Variants in PACSIN2 observed in about 807,000 individuals in gnomAD.
PACSIN2 encodes protein kinase C and casein kinase substrate in neurons protein 2.
PACSIN2 carries 25 observed loss-of-function variants against 63.8 expected under a neutral mutation model. The observed-to-expected ratio is 0.39, with a 90% confidence interval of 0.29 to 0.55. The LOEUF (loss-of-function observed/expected upper bound fraction) is 0.55. Ranked by LOEUF, PACSIN2 falls within the 20% of genes least tolerant of loss-of-function variation. PACSIN2 has a pLI of 0.62. For missense variants in PACSIN2, 518 were observed against 646.9 expected (o/e 0.80, Z 2.16); for synonymous variants, 255 against 256.2 (o/e 1.00, Z 0.05).
chr22:42,989,459 T>C (rs1008755070), intron 1 of PACSIN2, among the ~76,000 whole-genome samples: 4 of 145,626 alleles, frequency 2.7e-5, no homozygotes, highest in African/African-American at 7.8e-5. Flanking sequence ...GATCACACGA[T>C]TGCACTCCAG....
intron 1 of PACSIN2, among the ~76,000 whole-genome samples, chr22:42,922,307 A>G (rs1249430309): frequency 6.6e-6 from 1 of 152,240 alleles, no homozygotes; most frequent in African/African-American, 2.4e-5. Flanking sequence ...ATTCACAAGG[A>G]CATCCAGCTC....
intron 1 of PACSIN2, among the ~76,000 whole-genome samples, chr22:43,003,324 C>G (rs962610668): frequency 2.0e-5 from 3 of 151,996 alleles, no homozygotes; most frequent in Admixed American, 2.0e-4. Flanking sequence ...AAACAAATAT[C>G]GGCTGGGCGC....
intron 1 of PACSIN2, among the ~76,000 whole-genome samples, chr22:42,930,719 A>G (rs1932765218): frequency 6.6e-6 from 1 of 152,260 alleles, no homozygotes; most frequent in Non-Finnish European, 1.5e-5. Flanking sequence ...TTTAAGAATT[A>G]AAAAATGAAA....
intron 1 of PACSIN2, among the ~76,000 whole-genome samples, chr22:42,999,845 A>G (rs1923653627): frequency 6.6e-6 from 1 of 152,206 alleles, no homozygotes; most frequent in Non-Finnish European, 1.5e-5. Context: ...AGCTTCTCTG[A>G]GCCTATTTCC....
chr22:42,880,292 C>T (rs1928972809), intron 7 of PACSIN2, among the ~76,000 whole-genome samples: 1 of 152,222 alleles, frequency 6.6e-6, no homozygotes, highest in Admixed American at 6.5e-5. Context: ...CAGACTTGGG[C>T]CCGACCCCAA....
chr22:42,916,494 C>T (rs953301516), intron 1 of PACSIN2, among the ~76,000 whole-genome samples: 3 of 152,236 alleles, frequency 2.0e-5, no homozygotes, highest in Admixed American at 2.0e-4. Flanking sequence ...CTCTCTCCTG[C>T]CCCTGCTCCG....
At chr22:42,956,463 A>G (rs1933920960) in intron 1 of PACSIN2, among the ~76,000 whole-genome samples, 1 of 152,256 alleles carries the variant, frequency 6.6e-6, no homozygotes, top group East Asian at 1.9e-4. Flanking sequence ...TAGTGCCTTC[A>G]AAAGTAATCA....
At chr22:42,911,845 T>G (rs1272965206) in intron 2 of PACSIN2, among the ~76,000 whole-genome samples, 176 bp downstream of exon 2, 2 of 152,232 alleles carry the variant, frequency 1.3e-5, no homozygotes, top group South Asian at 4.1e-4. Flanking sequence ...ATACCTGAAC[T>G]GCCTAAAAAC....
intron 1 of PACSIN2, among the ~76,000 whole-genome samples, chr22:42,946,536 C>A (rs1419730543): frequency 6.6e-6 from 1 of 152,190 alleles, no homozygotes; most frequent in African/African-American, 2.4e-5. Context: ...GGGGAAAGAG[C>A]AAAACTCTGT....
Position 42,960,020 on chromosome 22 carries a change from A to G in PACSIN2, c.-77-47863T>C, listed in dbSNP as rs1036340178. On this transcript the variant is annotated intron_variant, in intron 1 of 10. Transcript: ENST00000263246. ...CGCTCCTGCCTGCTGTGGCCATCACAGAAGAGCTCTCTTTTCAGAAAGTGG... is the reference window on the plus strand; with the variant it reads ...CGCTCCTGCCTGCTGTGGCCATCACGGAAGAGCTCTCTTTTCAGAAAGTGG... The G allele has an allele frequency of 3.9e-5, 6 of 152,242 alleles. No homozygotes were observed. The East Asian group carries it at 1.2e-3, about 29-fold the overall frequency. 9.4% of individuals were successfully genotyped at this position (152,242 alleles called of 1,614,324 possible). A position where few individuals can be genotyped will look rare whatever the true frequency, so the allele number is the denominator to read the frequency against.
At chr22:42,939,892 T>C (rs1001637773) in intron 1 of PACSIN2, among the ~76,000 whole-genome samples, 6 of 152,262 alleles carry the variant, frequency 3.9e-5, no homozygotes, top group African/African-American at 9.6e-5. Context: ...GAACAGGAGA[T>C]GGCAGCGTGC....
At chr22:42,900,952 T>G (rs114563499) in intron 2 of PACSIN2, among the ~76,000 whole-genome samples, 1,604 of 152,272 alleles carry the variant, frequency 0.011, 29 homozygotes, top group African/African-American at 0.036. Flanking sequence ...GCCAGCCCTG[T>G]GGGCGCCAGC....
intron 1 of PACSIN2, among the ~76,000 whole-genome samples, chr22:42,978,022 G>A (rs571970871): frequency 6.6e-6 from 1 of 152,304 alleles, no homozygotes; most frequent in African/African-American, 2.4e-5. Flanking sequence ...GAGCAATTCA[G>A]TGTGACATAA....
At chr22:42,972,511 AAT>A (rs149497437) in intron 1 of PACSIN2, among the ~76,000 whole-genome samples, 66 of 150,796 alleles carry the variant, frequency 4.4e-4, no homozygotes, top group African/African-American at 1.2e-3. Flanking sequence ...ATAAATACTA[AAT>A]ATATATATAT....
chr22:42,939,588 C>T (rs1180673824), intron 1 of PACSIN2, among the ~76,000 whole-genome samples: 1 of 152,124 alleles, frequency 6.6e-6, no homozygotes, highest in African/African-American at 2.4e-5. Flanking sequence ...TCCCACAGGG[C>T]AACGTTTTTA....
Position 42,955,879 on chromosome 22 carries a change from A to C in PACSIN2, c.-77-43722T>G, listed in dbSNP as rs187334017. ...ATTTTTTCTTCATGTGTCAGTTCAT[A>C]GCAGAGAAGATAGAGAAGTCATTTC... On this transcript the variant is annotated intron_variant, in intron 1 of 10. Coordinates refer to ENST00000263246, the MANE Select transcript of PACSIN2 (RefSeq NM_001184970.3). Among the ~76,000 whole-genome samples, 561 of 152,344 alleles carry C rather than the reference A, an allele frequency of 3.7e-3. 20 individuals carry two copies. The highest frequency in any genetic ancestry group is 0.035 in the Admixed American group (531 of 15,304).
At position 43,006,886 on chromosome 22, in the gene PACSIN2, G is replaced by A. The variant is rs147158370; in HGVS notation, c.-78+8135C>T. ...TTCTCAACCAAACACGTAAATGCAG[G>A]TTAAGAGAATGAGTCAAGGCTGAGG... On this transcript the variant is annotated intron_variant, in intron 1 of 10. Transcript: ENST00000263246. 7.9e-4 allele frequency among the ~76,000 whole-genome samples: 120 copies of A among 152,280 alleles called. 1 individual carries two copies. The highest frequency in any genetic ancestry group is 6.8e-3 in the Middle Eastern group (2 of 294).
rs117167479 is a variant in PACSIN2 at position 42,933,820 on chromosome 22, A to G, written c.-77-21663T>C. On this transcript the variant is annotated intron_variant, in intron 1 of 10. Transcript: ENST00000263246. ...GGAGAAACATTCTTGGAAGTTATGA[A>G]TAAGATATTCTGATTGTAAGGAATT... is the stretch of plus-strand genomic sequence containing the variant. 5.0e-4 allele frequency among the ~76,000 whole-genome samples: 76 copies of G among 152,372 alleles called. 1 individual carries two copies. In the East Asian group the frequency reaches 0.013, roughly 26 times the overall value.
chr22:42,948,603 G>A (rs573512187), intron 1 of PACSIN2, among the ~76,000 whole-genome samples: 38 of 152,234 alleles, frequency 2.5e-4, no homozygotes, highest in Admixed American at 7.2e-4. Flanking sequence ...GTGCCTGTGA[G>A]TAGCCACTGT....
Sources: gnomAD v4.1 joint callset for allele counts (sites outside exome capture counted in the v4.1 genomes callset) on GRCh38, gnomAD v4.1.1 for gene constraint, MANE v1.5 for transcripts, NCBI Gene and HGNC (gene_info 2026-07-23, HGNC 2026-07-21) for gene names.